The following C2CD5 variants were observed in gnomAD, a reference collection of about 807,000 sequenced individuals.
C2CD5 encodes the protein C2 calcium dependent domain containing 5.
C2CD5 carries 109 observed loss-of-function variants against 130.3 expected under a neutral mutation model. That is an observed-to-expected ratio of 0.84 (90% CI 0.72 to 0.98). The LOEUF is 0.98. Ranked by LOEUF, C2CD5 falls within the 50% of genes least tolerant of loss-of-function variation. The probability of loss-of-function intolerance (pLI) is 0.00; values close to 1 mark genes in which losing one functional copy is unlikely to be tolerated. For missense variants in C2CD5, 996 were observed against 1,261.8 expected, an observed-to-expected ratio of 0.79 and a Z score of 3.19; for synonymous variants, 454 against 429.2, an observed-to-expected ratio of 1.06 and a Z score of -0.71.
chr12:22,477,756 T>C (rs1213690813), intron 15 of C2CD5, among the ~76,000 whole-genome samples: 1 of 152,100 alleles, frequency 6.6e-6, no homozygotes, highest in Non-Finnish European at 1.5e-5. Flanking sequence ...GTAAAAAGAC[T>C]GATTAAAGGA....
chr12:22,541,895 T>C (rs562596983), intron 2 of C2CD5, among the ~76,000 whole-genome samples: 1 of 152,188 alleles, frequency 6.6e-6, no homozygotes, highest in African/African-American at 2.4e-5. Flanking sequence ...ACCATGTATA[T>C]ACATCGGCTA....
intron 10 of C2CD5, among the ~76,000 whole-genome samples, chr12:22,500,110 G>C (rs752422879): frequency 5.9e-5 from 9 of 152,110 alleles, no homozygotes; most frequent in African/African-American, 2.2e-4. Context: ...CTTGAACCTG[G>C]GAGGCGGAGG....
rs370673169 is a variant in C2CD5 at position 22,461,489 on chromosome 12, T to G, written c.2534-1947A>C. On this transcript the variant is annotated intron_variant, in intron 22 of 26. Transcript: ENST00000446597. The stretch of plus-strand genomic sequence containing the variant: ...AGAAAGAGCTTACCTGAGTATGTAT[T>G]AAATATCTGTTCCCATCTCTAACAT... Among the ~76,000 whole-genome samples the G allele has an allele frequency of 9.8e-5, 15 of 152,320 alleles. No homozygotes were observed. The East Asian group carries it at 2.1e-3, about 22-fold the overall frequency.
rs368865445 is a variant in C2CD5, at chr12:22,455,142, T to A, written c.2878-1100A>T. Among the ~76,000 whole-genome samples the A allele has an allele frequency of 1.2e-4, 19 of 152,266 alleles. 1 individual carries two copies. The highest frequency in any genetic ancestry group is 4.3e-4 in the African/African-American group (18 of 41,558). ...CTGAAAAGCCTGAGGATCCTACATA[T>A]AGTTGTATAAAGATATCTCTTTTTG... On this transcript the variant is annotated intron_variant, in intron 25 of 26. Coordinates refer to ENST00000446597, the MANE Select transcript of C2CD5 (RefSeq NM_001286176.2).
At chr12:22,450,624 A>G (rs1019630072) in intron 26 of C2CD5, among the ~76,000 whole-genome samples, 1 of 152,086 alleles carries the variant, frequency 6.6e-6, no homozygotes, top group African/African-American at 2.4e-5. Context: ...AATATGCAAA[A>G]TATCTCAATG....
At chr12:22,491,171 T>C (rs193014733) in intron 11 of C2CD5, among the ~76,000 whole-genome samples, 128 of 152,324 alleles carry the variant, frequency 8.4e-4, no homozygotes, top group African/African-American at 3.0e-3. Flanking sequence ...ACAGATGTTT[T>C]TGAGGTCTAG....
chr12:22,519,989 C>T (rs1950121675), intron 7 of C2CD5, among the ~76,000 whole-genome samples: 4 of 151,996 alleles, frequency 2.6e-5, no homozygotes, highest in Admixed American at 2.0e-4. Flanking sequence ...AAGATATCAA[C>T]ATATATCCTA....
At chr12:22,538,191 G>A (rs1210694411) in intron 2 of C2CD5, among the ~76,000 whole-genome samples, 1 of 152,136 alleles carries the variant, frequency 6.6e-6, no homozygotes, top group Non-Finnish European at 1.5e-5. Context: ...AAAGTCAACT[G>A]TTTAGTCATC....
At chr12:22,464,242 A>G in intron 22 of C2CD5, among the ~76,000 whole-genome samples, 1 of 152,204 alleles carries the variant, frequency 6.6e-6, no homozygotes. Context: ...AAAGACAATT[A>G]ACTTCCCTAT....
chr12:22,515,132 G>T, intron 8 of C2CD5: 1 of 985,054 alleles, frequency 1.0e-6, no homozygotes, highest in East Asian at 1.1e-4. Context: ...GTAAATCCTA[G>T]GTCCCTGTGG....
At chr12:22,523,688 C>T in intron 6 of C2CD5, 64 bp from the exon 7 acceptor site, 2 of 1,081,856 alleles carry the variant, frequency 1.8e-6, no homozygotes, top group South Asian at 1.5e-5. Context: ...TAAGACTGGA[C>T]ATGGTAGTGG....
chr12:22,537,315 T>C (rs770922440), intron 2 of C2CD5, among the ~76,000 whole-genome samples: 3 of 152,158 alleles, frequency 2.0e-5, no homozygotes, highest in African/African-American at 7.2e-5. Context: ...CTCAAGAAGC[T>C]AAGGCAAGAG....
intron 14 of C2CD5, among the ~76,000 whole-genome samples, chr12:22,479,749 T>C (rs1286591186): frequency 6.6e-6 from 1 of 152,180 alleles, no homozygotes; most frequent in African/African-American, 2.4e-5. Flanking sequence ...ATTTCATTAG[T>C]ACTGGAAAAC....
intron 13 of C2CD5, chr12:22,484,449 A>T: frequency 5.6e-6 from 2 of 357,348 alleles, no homozygotes; most frequent in Non-Finnish European, 5.0e-6. Context: ...GCAGGTTAAT[A>T]ATTCCCAAAA....
intron 10 of C2CD5, among the ~76,000 whole-genome samples, chr12:22,500,408 T>A (rs1257762351): frequency 6.6e-6 from 1 of 152,166 alleles, no homozygotes; most frequent in Non-Finnish European, 1.5e-5. Flanking sequence ...AAAGTATGCA[T>A]AAACATGGGT....
chr12:22,493,498 GATTT>G (rs1262745002), intron 10 of C2CD5, among the ~76,000 whole-genome samples, 161 bp from the exon 11 acceptor site: 2 of 152,034 alleles, frequency 1.3e-5, no homozygotes, highest in Non-Finnish European at 1.5e-5. Flanking sequence ...AAAGGCATAA[GATTT>G]AACCTTTTAA....
intron 14 of C2CD5, among the ~76,000 whole-genome samples, chr12:22,480,824 A>G (rs1434776756): frequency 6.6e-6 from 1 of 151,128 alleles, no homozygotes; most frequent in East Asian, 1.9e-4. Context: ...TTTTTTAAAG[A>G]CAGGGTCTCT....
At position 22,532,518 on chromosome 12, in the gene C2CD5, T is replaced by C. The variant is rs149026336; in HGVS notation, c.177+2740A>G. Among the ~76,000 whole-genome samples, 355 of 152,098 alleles carry C rather than the reference T, an allele frequency of 2.3e-3. 2 individuals are homozygous for C. Among genetic ancestry groups the C allele is most frequent in the South Asian group, 0.01 (49 of 4,812 alleles). On this transcript the variant is annotated intron_variant, in intron 3 of 26. Coordinates refer to ENST00000446597, the MANE Select transcript of C2CD5 (RefSeq NM_001286176.2). ...TCTGCAAATTAGCAGGCACCAGAAA[T>C]AGAATTTGTTTTCTCTTAATCCAGA...
intron 22 of C2CD5, among the ~76,000 whole-genome samples, chr12:22,468,484 C>G (rs1356463829): frequency 1.3e-5 from 2 of 152,164 alleles, no homozygotes; most frequent in Non-Finnish European, 2.9e-5. Context: ...TCTCAAAGTG[C>G]TGGGATTACA....
Sources: gnomAD v4.1 joint callset for allele counts (sites outside exome capture counted in the v4.1 genomes callset) on GRCh38, gnomAD v4.1.1 for gene constraint, MANE v1.5 for transcripts, NCBI Gene and HGNC (gene_info 2026-07-23, HGNC 2026-07-21) for gene names.